Variants in METTL21A observed in about 807,000 individuals in gnomAD.
METTL21A encodes the protein methyltransferase 21A, HSPA lysine.
A neutral mutation model predicts 20.9 loss-of-function variants in METTL21A; 22 were observed. The ratio of observed to expected loss-of-function variants is 1.05; its 90% CI spans 0.75 to 1.50. METTL21A has a LOEUF of 1.50. METTL21A is among the 40% of genes most tolerant of loss of function. METTL21A has a pLI of 0.00. For synonymous variants in METTL21A, 93 were observed against 102.0 expected (o/e 0.91, Z 0.53); for missense variants, 271 against 266.8 (o/e 1.02, Z -0.11).
downstream of METTL21A, among the ~76,000 whole-genome samples, chr2:207,604,975 G>T (rs1025938781): frequency 3.9e-5 from 6 of 152,056 alleles, no homozygotes; most frequent in Non-Finnish European, 8.8e-5. Context: ...CAAGTTTATC[G>T]ATTCATCCAG....
intron 3 of METTL21A, among the ~76,000 whole-genome samples, chr2:207,590,485 C>T (rs1237056828): frequency 1.3e-5 from 2 of 151,744 alleles, no homozygotes; most frequent in Non-Finnish European, 2.9e-5. Flanking sequence ...TTTTCTCCTG[C>T]TTGCTTTGGT....
At chr2:207,605,526 T>TAA (rs374747042), downstream of METTL21A, among the ~76,000 whole-genome samples, 1 of 152,026 alleles carries the variant, frequency 6.6e-6, no homozygotes, top group Non-Finnish European at 1.5e-5. Context: ...TGTACACTTC[T>TAA]AAAAAAAAGA....
chr2:207,594,175 T>A (rs943986038), intron 3 of METTL21A, among the ~76,000 whole-genome samples: 2 of 152,248 alleles, frequency 1.3e-5, no homozygotes, highest in Admixed American at 6.5e-5. Flanking sequence ...GAATAATTTT[T>A]AATTATTTTT....
rs972797458 is a variant in METTL21A at position 207,621,960 on chromosome 2, G to C, written c.148-43C>G. The C allele has an allele frequency of 5.8e-6, 9 of 1,545,448 alleles. No homozygotes were observed. In the African/African-American group the frequency reaches 8.2e-5, roughly 14 times the overall value. On this transcript the variant is annotated intron_variant, in intron 2 of 3. Transcript: ENST00000406927. Reference sequence around the variant, plus strand: ...GTGATGACGATTAAGGTCAACATGTGCTTGAGTAGCTGCAGGGTTTCAGGT... The same window carrying C: ...GTGATGACGATTAAGGTCAACATGTCCTTGAGTAGCTGCAGGGTTTCAGGT...
At chr2:207,581,847 G>T in exon 4 of METTL21A, 1 of 702,836 alleles carries the variant, frequency 1.4e-6, no homozygotes, top group South Asian at 1.5e-5. Context: ...TTCAGTCTGT[G>T]AAAGTTTGTT....
intron 3 of METTL21A, among the ~76,000 whole-genome samples, chr2:207,595,737 T>A (rs940994512): frequency 1.4e-4 from 21 of 152,260 alleles, no homozygotes; most frequent in African/African-American, 2.6e-4. Context: ...GCTAAATTTT[T>A]AAAAATTTTT....
chr2:207,587,988 G>A (rs930352414), intron 3 of METTL21A, among the ~76,000 whole-genome samples: 4 of 152,134 alleles, frequency 2.6e-5, no homozygotes, highest in Admixed American at 2.6e-4. Flanking sequence ...TTGAGGTGAT[G>A]GATATGCTAG....
chr2:207,589,917 G>C (rs374862429), intron 3 of METTL21A, among the ~76,000 whole-genome samples: 1 of 152,154 alleles, frequency 6.6e-6, no homozygotes, highest in African/African-American at 2.4e-5. Flanking sequence ...TTTCTTTGCC[G>C]TGAGTTTGTT....
downstream of METTL21A, chr2:207,580,765 CT>C (rs2082867610): frequency 4.4e-6 from 1 of 224,888 alleles, no homozygotes; most frequent in African/African-American, 2.2e-5. Context: ...CTTAAAATTT[CT>C]TCCTCACTTC....
intron 3 of METTL21A, among the ~76,000 whole-genome samples, chr2:207,595,823 C>T (rs13431009): frequency 0.014 from 2,109 of 152,300 alleles, 31 homozygotes; most frequent in African/African-American, 0.035. Context: ...CCCACCTCAG[C>T]CTCCCAAAGT....
At chr2:207,618,568 A>C (rs1173227641) in intron 3 of METTL21A, among the ~76,000 whole-genome samples, 1 of 152,114 alleles carries the variant, frequency 6.6e-6, no homozygotes, top group East Asian at 1.9e-4. Flanking sequence ...CCTGGTGCAG[A>C]GGCAGGTGCC....
intron 3 of METTL21A, among the ~76,000 whole-genome samples, chr2:207,587,058 A>G (rs2083977051): frequency 1.3e-5 from 2 of 152,208 alleles, no homozygotes; most frequent in African/African-American, 4.8e-5. Context: ...GAGAATGTAC[A>G]TTAATGCAGC....
At chr2:207,582,260 A>G (rs2106625895) in intron 3 of METTL21A, 3 of 669,788 alleles carry the variant, frequency 4.5e-6, no homozygotes, top group Admixed American at 2.3e-5. Context: ...ATGCAGATAT[A>G]TTCTTTTCTC....
chr2:207,601,498 A>T (rs2087048413), intron 3 of METTL21A: 2 of 193,918 alleles, frequency 1.0e-5, no homozygotes, highest in South Asian at 3.9e-4. Flanking sequence ...ACCTTGTTTT[A>T]TTCTTTTTCA....
intron 3 of METTL21A, chr2:207,620,917 T>C: frequency 2.7e-6 from 1 of 367,892 alleles, no homozygotes; most frequent in Non-Finnish European, 4.9e-6. Flanking sequence ...TCTGGAATCC[T>C]GGATCCTTCC....
downstream of METTL21A, among the ~76,000 whole-genome samples, chr2:207,605,215 C>A (rs998137299): frequency 1.3e-5 from 2 of 152,198 alleles, no homozygotes; most frequent in Admixed American, 1.3e-4. Context: ...TTTCTCCACA[C>A]CTTCACCAAC....
At chr2:207,620,856 G>C in intron 3 of METTL21A, 7 of 569,402 alleles carry the variant, frequency 1.2e-5, no homozygotes, top group Non-Finnish European at 1.8e-5. Context: ...CAAAAGAGGG[G>C]CTTTAGCTGG....
upstream of METTL21A, chr2:207,625,608 C>G (rs1025217298): frequency 2.0e-5 from 3 of 152,388 alleles, no homozygotes; most frequent in Non-Finnish European, 4.4e-5. Flanking sequence ...GGGTGCCGAA[C>G]TGCCGCGGGT....
intron 3 of METTL21A, among the ~76,000 whole-genome samples, chr2:207,604,103 G>A (rs1360389204): frequency 2.6e-5 from 4 of 152,168 alleles, no homozygotes; most frequent in African/African-American, 7.2e-5. Context: ...GCATGAACTA[G>A]GATTGTTCTA....
Sources: allele counts gnomAD v4.1 joint callset (sites outside exome capture counted in the v4.1 genomes callset), GRCh38; gene constraint gnomAD v4.1.1; transcripts MANE v1.5; gene names NCBI Gene and HGNC (gene_info 2026-07-23, HGNC 2026-07-21).